LIPH: variants seen among roughly 807,000 people sequenced by gnomAD.
The protein encoded by LIPH is lipase member H.
Under a neutral mutation model 47.6 loss-of-function variants are expected in LIPH, and 32 were observed. That is an observed-to-expected ratio of 0.67 (90% confidence interval 0.51 to 0.90). LIPH has a LOEUF of 0.90. Among genes scored for constraint, LIPH ranks in the 40% least tolerant of loss-of-function variants. LIPH has a pLI of 0.00. For missense variants in LIPH, 497 were observed against 541.4 expected, an observed-to-expected ratio of 0.92 and a Z score of 0.81; for synonymous variants, 190 against 195.6, an observed-to-expected ratio of 0.97 and a Z score of 0.24.
At chr3:185,548,676 A>C (rs1441252500) in intron 1 of LIPH, among the ~76,000 whole-genome samples, 2 of 152,062 alleles carry the variant, frequency 1.3e-5, no homozygotes, top group Non-Finnish European at 2.9e-5. Context: ...ACAGTGAGCC[A>C]AGATCGTGCC....
At chr3:185,547,485 C>T (rs974475767) in intron 1 of LIPH, among the ~76,000 whole-genome samples, 6 of 152,052 alleles carry the variant, frequency 3.9e-5, no homozygotes, top group Admixed American at 2.0e-4. Flanking sequence ...AACAGAGGTC[C>T]ACAGTCAGGT....
At chr3:185,551,690 T>C (rs1425726678) in intron 1 of LIPH, among the ~76,000 whole-genome samples, 1 of 152,172 alleles carries the variant, frequency 6.6e-6, no homozygotes, top group Non-Finnish European at 1.5e-5. Context: ...TGAACATTTT[T>C]ACAAGTCTTA....
chr3:185,523,607 CTG>C (rs1025407311), intron 5 of LIPH, among the ~76,000 whole-genome samples: 3 of 152,096 alleles, frequency 2.0e-5, no homozygotes, highest in African/African-American at 7.2e-5. Context: ...CATCTCCCCT[CTG>C]TTGCCCAGGG....
intron 2 of LIPH, among the ~76,000 whole-genome samples, chr3:185,534,096 G>A (rs1432182225): frequency 2.6e-5 from 4 of 152,070 alleles, no homozygotes; most frequent in South Asian, 2.1e-4. Context: ...AGTGGCTCAC[G>A]CCTGTAATCC....
rs1401416705 is a variant in LIPH, at chr3:185,508,486, C to T, written c.*304G>A. 2.3e-5 allele frequency: 9 copies of T among 386,952 alleles called. No homozygotes were observed. Among genetic ancestry groups the T allele is most frequent in the East Asian group, 1.1e-4 (2 of 18,720 alleles). The allele number at this position is 386,952 out of a possible 1,614,324, so 24.0% of individuals were successfully genotyped here. A position where few individuals can be genotyped will look rare whatever the true frequency, so the allele number is the denominator to read the frequency against. ...CGCAGCCGCGATGGGCAGAACCACC[C>T]GCGTGACAGGCAGCAGAATTGACAG... On this transcript the variant is annotated 3_prime_UTR_variant, in exon 10 of 10. Coordinates refer to ENST00000296252, the MANE Select transcript of LIPH (RefSeq NM_139248.3).
chr3:185,534,249 G>A (rs187931683), intron 2 of LIPH, among the ~76,000 whole-genome samples: 1 of 151,880 alleles, frequency 6.6e-6, no homozygotes, highest in South Asian at 2.1e-4. Flanking sequence ...CCAGCTACTC[G>A]GGGGGCTGAG....
At chr3:185,548,387 G>C (rs1363374171) in intron 1 of LIPH, among the ~76,000 whole-genome samples, 1 of 143,702 alleles carries the variant, frequency 7.0e-6, no homozygotes, top group East Asian at 2.4e-4. Flanking sequence ...CCTGGTGACA[G>C]AGCGAGACTC....
At chr3:185,546,418 C>T (rs1053724878) in intron 1 of LIPH, among the ~76,000 whole-genome samples, 33 of 151,330 alleles carry the variant, frequency 2.2e-4, no homozygotes, top group South Asian at 1.0e-3. Flanking sequence ...GTCCCAGCTA[C>T]TTGGGAGGCT....
At position 185,529,909 on chromosome 3, in the gene LIPH, A is replaced by G. The variant is rs1015592607; in HGVS notation, c.527-2324T>C. Among the ~76,000 whole-genome samples the G allele has an allele frequency of 4.7e-4, 15 of 31,728 alleles. No homozygotes were observed. In the South Asian group the frequency reaches 0.019, roughly 41 times the overall value. 20.8% of individuals were successfully genotyped at this position (31,728 alleles called of 152,430 possible). On this transcript the variant is annotated intron_variant, in intron 3 of 9. Coordinates refer to ENST00000296252, the MANE Select transcript of LIPH (RefSeq NM_139248.3). ...AGAGAGAGAGAAAGAGAGAAAGAAA[A>G]GAAAGAAAGAAAGAAAGAAAGAAAG...
intron 1 of LIPH, among the ~76,000 whole-genome samples, chr3:185,538,385 T>C (rs1300983291): frequency 6.6e-6 from 1 of 152,162 alleles, no homozygotes; most frequent in Non-Finnish European, 1.5e-5. Context: ...ACCTGTGACA[T>C]GTGTCATATA....
At chr3:185,549,227 GC>G (rs1470289588) in intron 1 of LIPH, among the ~76,000 whole-genome samples, 1 of 152,178 alleles carries the variant, frequency 6.6e-6, no homozygotes, top group East Asian at 1.9e-4. Context: ...GGAAGGACAT[GC>G]CTGCTTTTAA....
intron 1 of LIPH, among the ~76,000 whole-genome samples, chr3:185,538,930 T>C (rs892045479): frequency 6.9e-6 from 1 of 145,204 alleles, no homozygotes; most frequent in Non-Finnish European, 1.5e-5. Context: ...CATATACACA[T>C]ATATACATAT....
At position 185,506,404 on chromosome 3, in the gene LIPH, G is replaced by A. The variant is rs1719380640; in HGVS notation, c.*2386C>T. 6.6e-6 allele frequency: 1 copy of A among 152,132 alleles called. No homozygotes were observed. Among genetic ancestry groups the A allele is most frequent in the Non-Finnish European group, 1.5e-5 (1 of 68,034 alleles). The allele number at this position is 152,132 out of a possible 1,614,324, so 9.4% of individuals were successfully genotyped here. On this transcript the variant is annotated 3_prime_UTR_variant, in exon 10 of 10. Transcript: ENST00000296252. ...TCCTACAGTGAGCCAGGTACTGAGA[G>A]CTAGGAGACCCACGAGCCTAGAGTT...
chr3:185,522,436 G>GAGAA (rs1237295749), intron 5 of LIPH, among the ~76,000 whole-genome samples: 2 of 147,906 alleles, frequency 1.4e-5, no homozygotes, highest in Admixed American at 7.0e-5. Flanking sequence ...AAAGAAAGAA[G>GAGAA]AGAAAGGAAG....
At chr3:185,529,976 A>AAGAAAGAAAGAGAG (rs796155621) in intron 3 of LIPH, among the ~76,000 whole-genome samples, 3 of 104,882 alleles carry the variant, frequency 2.9e-5, no homozygotes, top group South Asian at 2.9e-4. Context: ...GAAAGAAAGA[A>AAGAAAGAAAGAGAG]AGAGAGAGAG....
intron 1 of LIPH, among the ~76,000 whole-genome samples, chr3:185,538,967 A>ATT (rs975784798): frequency 6.8e-6 from 1 of 147,550 alleles, no homozygotes; most frequent in Non-Finnish European, 1.5e-5. Context: ...ACATATATAT[A>ATT]TTTTTTTTTA....
chr3:185,515,515 CT>C (rs1262789817), intron 7 of LIPH, among the ~76,000 whole-genome samples: 158 of 144,046 alleles, frequency 1.1e-3, no homozygotes, highest in South Asian at 1.1e-3. Context: ...GATCTGCAGG[CT>C]TTTTTTTTTT....
At chr3:185,522,666 G>GAAAGAA (rs1437768937) in intron 5 of LIPH, among the ~76,000 whole-genome samples, 1 of 29,694 alleles carries the variant, frequency 3.4e-5, no homozygotes, top group African/African-American at 1.8e-4. Flanking sequence ...AAGAAAGAAA[G>GAAAGAA]AAAGAAAGAA....
chr3:185,539,457 C>G (rs764960938), intron 1 of LIPH, among the ~76,000 whole-genome samples: 17 of 58,842 alleles, frequency 2.9e-4, no homozygotes, highest in Non-Finnish European at 2.0e-4. Context: ...GCAACATCGG[C>G]CCCCCCGGGT....
Sources: gnomAD v4.1 joint callset for allele counts (sites outside exome capture counted in the v4.1 genomes callset) on GRCh38, gnomAD v4.1.1 for gene constraint, MANE v1.5 for transcripts, NCBI Gene and HGNC (gene_info 2026-07-23, HGNC 2026-07-21) for gene names.